EXOC6B: variants seen among roughly 807,000 people sequenced by gnomAD.
EXOC6B encodes SEC15 homolog B.
EXOC6B carries 54 observed loss-of-function variants against 113.5 expected under a neutral mutation model. The observed-to-expected ratio is 0.48, with a 90% CI of 0.38 to 0.60. The LOEUF is 0.60. Among genes scored for constraint, EXOC6B ranks in the 20% least tolerant of loss-of-function variants. EXOC6B has a pLI of 0.00. For missense variants in EXOC6B, 797 were observed against 977.5 expected, an observed-to-expected ratio of 0.82 and a Z score of 2.46; for synonymous variants, 357 against 339.0, an observed-to-expected ratio of 1.05 and a Z score of -0.58.
At chr2:72,203,376 G>A (rs562958148) in intron 20 of EXOC6B, among the ~76,000 whole-genome samples, 15 of 152,186 alleles carry the variant, frequency 9.9e-5, no homozygotes, top group African/African-American at 3.6e-4. Context: ...ATCTTTTTCT[G>A]TGCTTCTACC....
intron 19 of EXOC6B, among the ~76,000 whole-genome samples, chr2:72,354,699 G>A: frequency 6.6e-6 from 1 of 152,170 alleles, no homozygotes; most frequent in East Asian, 1.9e-4. Flanking sequence ...AGAGTATAGG[G>A]TCCATCATCT....
intron 8 of EXOC6B, among the ~76,000 whole-genome samples, chr2:72,545,335 A>T (rs963676069): frequency 2.0e-5 from 3 of 152,148 alleles, no homozygotes; most frequent in African/African-American, 7.2e-5. Context: ...ATGTTTGACT[A>T]CATTTTTTGA....
intron 16 of EXOC6B, 32 bp downstream of exon 16, chr2:72,492,286 G>A (rs1475611538): frequency 7.3e-7 from 1 of 1,372,032 alleles, no homozygotes; most frequent in Non-Finnish European, 1.0e-6. Context: ...TTCACATACT[G>A]GCTCGGCTGC....
chr2:72,696,293 T>C (rs1677872913), intron 6 of EXOC6B, among the ~76,000 whole-genome samples: 1 of 152,178 alleles, frequency 6.6e-6, no homozygotes, highest in African/African-American at 2.4e-5. Flanking sequence ...CAAATGGCCT[T>C]AAAATATTCC....
Position 72,262,545 on chromosome 2 carries a change from G to C in EXOC6B, c.2196+72402C>G, listed in dbSNP as rs1573117387. 2.6e-5 allele frequency among the ~76,000 whole-genome samples: 4 copies of C among 152,278 alleles called. 1 individual carries two copies. The highest frequency in any genetic ancestry group is 2.6e-4 in the Admixed American group (4 of 15,288). On this transcript the variant is annotated intron_variant, in intron 20 of 21. Transcript: ENST00000272427. The stretch of plus-strand genomic sequence containing the variant: ...TTCAAAGCATTAAATATTGGTCTGA[G>C]TTGTGGTGGGGTGGGGAAGCCTTGG...
intron 18 of EXOC6B, among the ~76,000 whole-genome samples, chr2:72,394,080 A>G (rs1349136520): frequency 6.6e-6 from 1 of 152,192 alleles, no homozygotes; most frequent in Non-Finnish European, 1.5e-5. Flanking sequence ...AATCTTATGT[A>G]GCATTTTTAA....
chr2:72,334,991 AC>A lies in EXOC6B; in HGVS notation c.2151del (p.Phe718SerfsTer13). On this transcript the variant is annotated frameshift_variant, in exon 20 of 22. Coordinates refer to ENST00000272427, the MANE Select transcript of EXOC6B (RefSeq NM_015189.3). LOFTEE classifies it high-confidence loss of function. ...EQFARSGPVP[G>X]FQEDTLQLAF... ...GCCAACTGCAGCGTGTCCTCCTGGAACCCAGGCACCGGGCCGGATCTGGCAA... is the reference window on the plus strand; with the variant it reads ...GCCAACTGCAGCGTGTCCTCCTGGAACCAGGCACCGGGCCGGATCTGGCAA... 1 of 1,613,394 alleles carries A rather than the reference AC, an allele frequency of 6.2e-7. No homozygotes were observed. Among genetic ancestry groups the A allele is most frequent in the Non-Finnish European group, 8.5e-7 (1 of 1,179,500 alleles).
chr2:72,788,633 C>T (rs1162255371), intron 1 of EXOC6B, among the ~76,000 whole-genome samples: 2 of 152,006 alleles, frequency 1.3e-5, no homozygotes, highest in African/African-American at 2.4e-5. Context: ...CCCATCTCTA[C>T]AAAAAATTTT....
At chr2:72,270,383 C>T (rs1484537251) in intron 20 of EXOC6B, among the ~76,000 whole-genome samples, 1 of 152,058 alleles carries the variant, frequency 6.6e-6, no homozygotes, top group Non-Finnish European at 1.5e-5. Context: ...AATATCTGTC[C>T]ACTCCAAGTC....
intron 6 of EXOC6B, among the ~76,000 whole-genome samples, chr2:72,675,958 G>T (rs1204261887): frequency 6.6e-6 from 1 of 151,926 alleles, no homozygotes; most frequent in Non-Finnish European, 1.5e-5. Flanking sequence ...AGCTCCCTCT[G>T]TAGTAGAAAT....
intron 8 of EXOC6B, among the ~76,000 whole-genome samples, chr2:72,550,170 A>T (rs1703128426): frequency 6.8e-6 from 1 of 147,662 alleles, no homozygotes; most frequent in South Asian, 2.2e-4. Flanking sequence ...ACAAAATAAG[A>T]AAAAAAAATT....
Position 72,575,526 on chromosome 2 carries a change from A to T in EXOC6B, c.812T>A (p.Ile271Asn). Residue 271 changes from isoleucine (I) to asparagine (N), a missense_variant, in exon 7 of 22, where the codon ATT becomes AAT. By Grantham distance (149) the Ile-to-Asn change is moderately radical. Transcript: ENST00000272427. ...TSPKSEQDSG[I>N]LDVEDEEDDE... Reference sequence around the variant, plus strand: ...ATCTTCCTCGTCTTCAACATCCAGAATTCCTGAATCCTGTTCAGACTTCGG... The same window carrying T: ...ATCTTCCTCGTCTTCAACATCCAGATTTCCTGAATCCTGTTCAGACTTCGG... The T allele has an allele frequency of 6.2e-7, 1 of 1,607,326 alleles. No individual in the cohort carries two copies. The highest frequency in any genetic ancestry group is 1.1e-5 in the South Asian group (1 of 89,256).
intron 1 of EXOC6B, among the ~76,000 whole-genome samples, chr2:72,799,239 CAAAAA>C (rs956224881): frequency 2.4e-5 from 1 of 41,336 alleles, no homozygotes; most frequent in African/African-American, 1.2e-4. Context: ...GACCCTGTCT[CAAAAA>C]AAAAAAAAAA....
chr2:72,233,547 C>T (rs1314894832), intron 20 of EXOC6B, among the ~76,000 whole-genome samples: 1 of 152,154 alleles, frequency 6.6e-6, no homozygotes, highest in Non-Finnish European at 1.5e-5. Flanking sequence ...CCTCGCAAAC[C>T]CCCACTGTGC....
chr2:72,238,814 T>C (rs1682125432), intron 20 of EXOC6B, among the ~76,000 whole-genome samples: 1 of 152,224 alleles, frequency 6.6e-6, no homozygotes, highest in African/African-American at 2.4e-5. Flanking sequence ...ATCAGATATA[T>C]GATTTGCCAA....
At chr2:72,411,439 T>C (rs1440436224) in intron 18 of EXOC6B, among the ~76,000 whole-genome samples, 3 of 152,112 alleles carry the variant, frequency 2.0e-5, no homozygotes, top group African/African-American at 4.8e-5. Flanking sequence ...AAATAGGCCC[T>C]GGTTCTGCAG....
chr2:72,235,637 A>G (rs1258070062), intron 20 of EXOC6B, among the ~76,000 whole-genome samples: 1 of 151,542 alleles, frequency 6.6e-6, no homozygotes, highest in African/African-American at 2.4e-5. Context: ...TGAGTGAAAC[A>G]TAAGAATAGG....
At chr2:72,185,092 A>G (rs1012326515) in intron 20 of EXOC6B, among the ~76,000 whole-genome samples, 4 of 152,262 alleles carry the variant, frequency 2.6e-5, no homozygotes, top group Non-Finnish European at 1.5e-5. Flanking sequence ...CAAAAATTGT[A>G]ACTAAGTAAA....
intron 18 of EXOC6B, among the ~76,000 whole-genome samples, chr2:72,448,139 C>CA (rs1696697262): frequency 6.6e-6 from 1 of 152,088 alleles, no homozygotes; most frequent in Non-Finnish European, 1.5e-5. Context: ...TACAATAGCC[C>CA]AAAAAATATC....
Sources: allele counts gnomAD v4.1 joint callset (sites outside exome capture counted in the v4.1 genomes callset), GRCh38; gene constraint gnomAD v4.1.1; transcripts MANE v1.5; gene names NCBI Gene and HGNC (gene_info 2026-07-23, HGNC 2026-07-21).